CHST11: variants seen among roughly 807,000 people sequenced by gnomAD.
The protein encoded by CHST11 is C4S-1.
A neutral mutation model predicts 30.4 loss-of-function variants in CHST11; 9 were observed. The observed-to-expected ratio is 0.30, with a 90% confidence interval of 0.18 to 0.52. The LOEUF (loss-of-function observed/expected upper bound fraction) is 0.52. CHST11 is among the 20% of genes least tolerant of loss of function. The pLI is 0.97. For missense variants in CHST11, 348 were observed against 460.6 expected (o/e 0.76, Z 2.24); for synonymous variants, 152 against 187.8 (o/e 0.81, Z 1.56).
chr12:104,618,287 G>C (rs188541012), intron 2 of CHST11, among the ~76,000 whole-genome samples: 2 of 148,614 alleles, frequency 1.3e-5, no homozygotes, highest in African/African-American at 5.0e-5. Context: ...GCAGTGGCGC[G>C]ATCATGGCTC....
At chr12:104,750,868 A>G (rs781463773) in intron 2 of CHST11, among the ~76,000 whole-genome samples, 2 of 152,202 alleles carry the variant, frequency 1.3e-5, no homozygotes, top group Non-Finnish European at 2.9e-5. Context: ...AAAAATTATA[A>G]AAACCAATTA....
At chr12:104,613,147 G>A (rs994380457) in intron 2 of CHST11, among the ~76,000 whole-genome samples, 2 of 151,972 alleles carry the variant, frequency 1.3e-5, no homozygotes, top group Admixed American at 1.3e-4. Flanking sequence ...GGTTGAGGCT[G>A]CAGTAAGCCA....
At chr12:104,752,994 G>T (rs932067074) in intron 2 of CHST11, among the ~76,000 whole-genome samples, 1 of 152,210 alleles carries the variant, frequency 6.6e-6, no homozygotes, top group African/African-American at 2.4e-5. Context: ...GAAAGACAAA[G>T]TTCCTGCTCT....
At chr12:104,556,190 T>C (rs1565985542) in intron 1 of CHST11, among the ~76,000 whole-genome samples, 1 of 151,960 alleles carries the variant, frequency 6.6e-6, no homozygotes, top group African/African-American at 2.4e-5. Context: ...GTATTATCTC[T>C]AACATCTAAG....
At chr12:104,530,354 T>A (rs558395484) in intron 1 of CHST11, among the ~76,000 whole-genome samples, 1 of 152,358 alleles carries the variant, frequency 6.6e-6, no homozygotes. Context: ...TTTGATCCCC[T>A]TATTCTCCAT....
At chr12:104,706,149 C>T (rs996276889) in intron 2 of CHST11, among the ~76,000 whole-genome samples, 12 of 151,654 alleles carry the variant, frequency 7.9e-5, no homozygotes, top group South Asian at 2.1e-4. Context: ...TTTGGGAGGC[C>T]GAGGCGGGCA....
intron 2 of CHST11, among the ~76,000 whole-genome samples, chr12:104,730,564 G>C (rs1300302293): frequency 6.6e-6 from 1 of 152,192 alleles, no homozygotes; most frequent in Non-Finnish European, 1.5e-5. Context: ...CTCGGATGCA[G>C]GTGGCACAAA....
At chr12:104,580,089 GTCT>G (rs894592249) in intron 1 of CHST11, among the ~76,000 whole-genome samples, 7 of 152,138 alleles carry the variant, frequency 4.6e-5, no homozygotes, top group African/African-American at 1.7e-4. Flanking sequence ...TAAAAGCGTC[GTCT>G]TTTTGCTTTC....
At chr12:104,633,260 T>G (rs2039289037) in intron 2 of CHST11, among the ~76,000 whole-genome samples, 1 of 152,132 alleles carries the variant, frequency 6.6e-6, no homozygotes, top group South Asian at 2.1e-4. Flanking sequence ...GGACAATAAC[T>G]CATGATTTCT....
intron 1 of CHST11, among the ~76,000 whole-genome samples, chr12:104,545,049 G>A (rs759639094): frequency 4.6e-5 from 7 of 152,150 alleles, no homozygotes; most frequent in Non-Finnish European, 7.3e-5. Context: ...TGTCCCTGTG[G>A]ATGGCAAGAA....
chr12:104,560,233 A>C (rs181087598), intron 1 of CHST11, among the ~76,000 whole-genome samples: 1 of 152,208 alleles, frequency 6.6e-6, no homozygotes, highest in Non-Finnish European at 1.5e-5. Context: ...GACCAGATGC[A>C]CATGAAAGGC....
rs967029612 is a variant in CHST11, at chr12:104,691,990, G to T, written c.205-64959G>T. On this transcript the variant is annotated intron_variant, in intron 2 of 2. Transcript: ENST00000303694. ...TCTGCTAAGCTGCAGATTCTCTGCAGAGCAGTGCCACACTACAGACCAGAC... is the reference window on the plus strand; with the variant it reads ...TCTGCTAAGCTGCAGATTCTCTGCATAGCAGTGCCACACTACAGACCAGAC... Among the ~76,000 whole-genome samples, 5 of 152,368 alleles carry T rather than the reference G, an allele frequency of 3.3e-5. 1 individual carries two copies. In the South Asian group the frequency reaches 1.0e-3, roughly 32 times the overall value.
rs2039740320 is a variant in CHST11, at chr12:104,676,099, G to A, written c.204+74108G>A. Among the ~76,000 whole-genome samples the A allele has an allele frequency of 6.6e-6, 1 of 152,218 alleles. No individual in the cohort carries two copies. Among genetic ancestry groups the A allele is most frequent in the African/African-American group, 2.4e-5 (1 of 41,454 alleles). On this transcript the variant is annotated intron_variant, in intron 2 of 2. Transcript: ENST00000303694. The surrounding 1 kb of genome is among the most constrained non-coding windows in gnomAD (Gnocchi z 4.4). ...TATATTGTTTTGATTTTTGAGTCAT[G>A]TATCTCATTTGAGCAAGAGATCAGC... is the stretch of plus-strand genomic sequence containing the variant.
At chr12:104,457,588 C>T in intron 1 of CHST11, 59 bp downstream of exon 1, 3 of 1,233,140 alleles carry the variant, frequency 2.4e-6, no homozygotes, top group Non-Finnish European at 3.6e-6. Flanking sequence ...CGCTCTAGCT[C>T]GCTCCGCCTG....
At chr12:104,607,826 T>G (rs1296675397) in intron 2 of CHST11, among the ~76,000 whole-genome samples, 2 of 152,166 alleles carry the variant, frequency 1.3e-5, no homozygotes, top group Non-Finnish European at 2.9e-5. Context: ...TTGGCAGGGT[T>G]GGAGGTCACG....
At chr12:104,699,261 G>T (rs2039972492) in intron 2 of CHST11, among the ~76,000 whole-genome samples, 1 of 152,212 alleles carries the variant, frequency 6.6e-6, no homozygotes, top group Admixed American at 6.5e-5. Flanking sequence ...TAGCTCACGT[G>T]TGGTGACTGA....
chr12:104,635,757 C>A (rs2039317376), intron 2 of CHST11, among the ~76,000 whole-genome samples: 1 of 152,144 alleles, frequency 6.6e-6, no homozygotes, highest in African/African-American at 2.4e-5. Flanking sequence ...CTGTTCTTTG[C>A]AAATGTTGGG....
intron 2 of CHST11, among the ~76,000 whole-genome samples, chr12:104,705,603 G>A (rs760631769): frequency 5.3e-5 from 8 of 152,162 alleles, no homozygotes; most frequent in Non-Finnish European, 1.2e-4. Context: ...TAGCAAGTCC[G>A]GAAGGTAAGG....
intron 2 of CHST11, among the ~76,000 whole-genome samples, chr12:104,615,352 A>G (rs1360957005): frequency 2.6e-5 from 4 of 152,254 alleles, no homozygotes; most frequent in South Asian, 2.1e-4. Context: ...GGATATATCC[A>G]TGGATATAAC....
Sources: allele counts gnomAD v4.1 joint callset (sites outside exome capture counted in the v4.1 genomes callset), GRCh38; gene constraint gnomAD v4.1.1; non-coding constraint Gnocchi (gnomAD v3.1); transcripts MANE v1.5; gene names NCBI Gene and HGNC (gene_info 2026-07-23, HGNC 2026-07-21).